The following RGS5 variants were observed in gnomAD, a reference collection of about 807,000 sequenced individuals.
RGS5 encodes regulator of G-protein signalling 5.
RGS5 carries 20 observed loss-of-function variants against 18.9 expected under a neutral mutation model. The ratio of observed to expected loss-of-function variants is 1.06; its 90% CI spans 0.74 to 1.54. RGS5 has a LOEUF of 1.54. RGS5 is among the 40% of genes most tolerant of loss of function. The pLI, the probability that RGS5 is intolerant of heterozygous loss-of-function variation, is 0.00. For missense variants in RGS5, 201 were observed against 211.8 expected, an observed-to-expected ratio of 0.95 and a Z score of 0.32; for synonymous variants, 57 against 76.2, an observed-to-expected ratio of 0.75 and a Z score of 1.31.
At chr1:163,172,177 G>C (rs777665324) in intron 1 of RGS5, among the ~76,000 whole-genome samples, 5 of 152,206 alleles carry the variant, frequency 3.3e-5, no homozygotes, top group Non-Finnish European at 7.3e-5. Flanking sequence ...ATGGATGTTG[G>C]AGGGACCTCT....
intron 1 of RGS5, among the ~76,000 whole-genome samples, chr1:163,186,434 T>C (rs1659082068): frequency 6.6e-6 from 1 of 151,220 alleles, no homozygotes; most frequent in South Asian, 2.1e-4. Context: ...AATGGAAGAA[T>C]AAATATCTTA....
intron 2 of RGS5, among the ~76,000 whole-genome samples, chr1:163,284,994 G>T (rs990164108): frequency 9.9e-5 from 15 of 152,040 alleles, no homozygotes; most frequent in Admixed American, 3.3e-4. Flanking sequence ...ATGGTAGCAG[G>T]TAAGAAAGAA....
At chr1:163,294,202 A>T (rs1056535965) in intron 2 of RGS5, among the ~76,000 whole-genome samples, 1 of 152,148 alleles carries the variant, frequency 6.6e-6, no homozygotes, top group African/African-American at 2.4e-5. Context: ...TCCTTTCTGC[A>T]TTGCCCTAGT....
At chr1:163,181,163 T>C (rs1378320025) in intron 1 of RGS5, among the ~76,000 whole-genome samples, 1 of 152,160 alleles carries the variant, frequency 6.6e-6, no homozygotes, top group Admixed American at 6.5e-5. Flanking sequence ...GACCACACTT[T>C]GAGAACCACT....
At chr1:163,304,018 G>T (rs1649631993) in intron 2 of RGS5, among the ~76,000 whole-genome samples, 1 of 151,932 alleles carries the variant, frequency 6.6e-6, no homozygotes, top group South Asian at 2.1e-4. Context: ...TGAGTCCCTG[G>T]TGCCAGAAAG....
chr1:163,234,270 G>A (rs1198123064), intron 2 of RGS5, among the ~76,000 whole-genome samples: 1 of 151,962 alleles, frequency 6.6e-6, no homozygotes, highest in African/African-American at 2.4e-5. Flanking sequence ...ATCATCAGTG[G>A]GCACTGGATT....
intron 2 of RGS5, among the ~76,000 whole-genome samples, chr1:163,262,968 T>G (rs1648484287): frequency 6.6e-6 from 1 of 152,140 alleles, no homozygotes. Flanking sequence ...TGCAATTAAT[T>G]TCATAAACTG....
intron 1 of RGS5, among the ~76,000 whole-genome samples, chr1:163,180,099 T>G (rs1658741133): frequency 6.6e-6 from 1 of 152,192 alleles, no homozygotes; most frequent in African/African-American, 2.4e-5. Context: ...ATTGGCTCAC[T>G]GCAGCCTCCA....
chr1:163,238,019 G>C (rs985695333), intron 2 of RGS5: 5 of 154,674 alleles, frequency 3.2e-5, no homozygotes, highest in African/African-American at 1.2e-4. Context: ...AGATTTTAAT[G>C]ATATCTTATT....
chr1:163,176,860 T>A (rs1026319538), intron 1 of RGS5, among the ~76,000 whole-genome samples: 10 of 152,144 alleles, frequency 6.6e-5, no homozygotes, highest in Admixed American at 1.3e-4. Flanking sequence ...AAATAAAAAA[T>A]TTTAGCTGGT....
chr1:163,240,921 G>T (rs188355943), intron 2 of RGS5, among the ~76,000 whole-genome samples: 11 of 152,070 alleles, frequency 7.2e-5, no homozygotes, highest in African/African-American at 2.4e-4. Context: ...ATAGCCCCAG[G>T]CACCATGACT....
At chr1:163,250,011 C>T (rs939396084) in intron 2 of RGS5, among the ~76,000 whole-genome samples, 1 of 152,124 alleles carries the variant, frequency 6.6e-6, no homozygotes, top group African/African-American at 2.4e-5. Flanking sequence ...TGCCACAGTT[C>T]TTAGACTAAT....
intron 1 of RGS5, among the ~76,000 whole-genome samples, chr1:163,210,171 T>G (rs533311991): frequency 1.7e-4 from 26 of 151,868 alleles, no homozygotes; most frequent in Non-Finnish European, 7.4e-5. Context: ...TTTTTTCGTA[T>G]TTTTTGGGGT....
intron 2 of RGS5, among the ~76,000 whole-genome samples, chr1:163,275,593 A>G (rs555578497): frequency 6.9e-4 from 105 of 152,336 alleles, no homozygotes; most frequent in Admixed American, 1.6e-3. Flanking sequence ...TCAAGAATAA[A>G]TGTCAAGACT....
At chr1:163,297,337 A>G (rs915169750) in intron 2 of RGS5, among the ~76,000 whole-genome samples, 5 of 152,180 alleles carry the variant, frequency 3.3e-5, no homozygotes, top group Admixed American at 2.6e-4. Flanking sequence ...TGATCAGTAA[A>G]GAGTCCAGTG....
chr1:163,238,698 G>C (rs1647699543), intron 2 of RGS5: 1 of 279,584 alleles, frequency 3.6e-6, no homozygotes, highest in African/African-American at 2.2e-5. Context: ...TAAATCATTT[G>C]ATTCCCCTTA....
rs566365877 is a variant in RGS5 at position 163,216,564 on chromosome 1, C to T, written c.69+962G>A. On this transcript the variant is annotated intron_variant, in intron 1 of 5. Transcript: ENST00000367903. ...GGATTGACTTCAGCTATAGATAGCA[C>T]GGTGGAGATTTATAACCTGTCAGCA... 1.2e-4 allele frequency among the ~76,000 whole-genome samples: 19 copies of T among 152,184 alleles called. No individual in the cohort carries two copies. In the South Asian group the frequency reaches 1.7e-3, roughly 13 times the overall value.
At chr1:163,246,032 A>G (rs111242550) in intron 2 of RGS5, among the ~76,000 whole-genome samples, 2,710 of 148,818 alleles carry the variant, frequency 0.018, 75 homozygotes, top group African/African-American at 0.061. Flanking sequence ...TGGCTAACAC[A>G]GTGAAACCCC....
intron 2 of RGS5, among the ~76,000 whole-genome samples, chr1:163,243,408 G>GA (rs1282522171): frequency 6.6e-6 from 1 of 152,108 alleles, no homozygotes; most frequent in Non-Finnish European, 1.5e-5. Context: ...AGCACTCTGG[G>GA]AGGCCGAGCG....
Sources: gnomAD v4.1 joint callset for allele counts (sites outside exome capture counted in the v4.1 genomes callset) on GRCh38, gnomAD v4.1.1 for gene constraint, MANE v1.5 for transcripts, NCBI Gene and HGNC (gene_info 2026-07-23, HGNC 2026-07-21) for gene names.